NEBL: variants seen among roughly 807,000 people sequenced by gnomAD.
The protein encoded by NEBL is nebulette.
In NEBL, 122 loss-of-function variants were observed where a neutral mutation model predicts 140.2. That is an observed-to-expected ratio of 0.87 (90% CI 0.75 to 1.01). NEBL has a LOEUF of 1.01. NEBL is among the 50% of genes least tolerant of loss of function. The pLI, the probability that NEBL is intolerant of heterozygous loss-of-function variation, is 0.00. For synonymous variants in NEBL, 436 were observed against 398.9 expected (o/e 1.09, Z -1.11); for missense variants, 1,365 against 1,231.3 (o/e 1.11, Z -1.62).
At chr10:21,220,530 G>C (rs976893962) in intron 3 of NEBL, among the ~76,000 whole-genome samples, 1 of 152,144 alleles carries the variant, frequency 6.6e-6, no homozygotes, top group African/African-American at 2.4e-5. Flanking sequence ...TGTAAGATCA[G>C]ACACTATAAT....
intron 8 of NEBL, among the ~76,000 whole-genome samples, chr10:20,858,982 T>G (rs1415876797): frequency 6.6e-6 from 1 of 152,152 alleles, no homozygotes; most frequent in Non-Finnish European, 1.5e-5. Context: ...CCAAGCAATC[T>G]GACTCCAAAC....
intron 3 of NEBL, among the ~76,000 whole-genome samples, chr10:21,234,254 G>T (rs1842317207): frequency 6.6e-6 from 1 of 152,138 alleles, no homozygotes; most frequent in South Asian, 2.1e-4. Flanking sequence ...AATCCCCGGT[G>T]TTGGAGGTGG....
intron 16 of NEBL, among the ~76,000 whole-genome samples, chr10:20,829,272 T>C (rs1221654149): frequency 6.6e-6 from 1 of 152,078 alleles, no homozygotes; most frequent in African/African-American, 2.4e-5. Flanking sequence ...AATGATGAGT[T>C]CATGTCCTTT....
intron 3 of NEBL, among the ~76,000 whole-genome samples, chr10:21,208,130 G>A (rs1044898701): frequency 6.6e-6 from 1 of 152,138 alleles, no homozygotes; most frequent in Non-Finnish European, 1.5e-5. Flanking sequence ...GGGTTTTTAA[G>A]AAGATTGTGG....
intron 3 of NEBL, among the ~76,000 whole-genome samples, chr10:21,230,219 G>T (rs1309993449): frequency 6.6e-6 from 1 of 152,152 alleles, no homozygotes; most frequent in African/African-American, 2.4e-5. Flanking sequence ...ATGGGCTTGG[G>T]AGTGAGTCAA....
At chr10:21,279,673 A>G (rs1465739379) in intron 1 of NEBL, among the ~76,000 whole-genome samples, 2 of 151,592 alleles carry the variant, frequency 1.3e-5, no homozygotes, top group Non-Finnish European at 2.9e-5. Flanking sequence ...CATGAGAATC[A>G]CTTGAACCTG....
chr10:20,931,663 G>A (rs1023204636), intron 4 of NEBL, among the ~76,000 whole-genome samples: 15 of 152,060 alleles, frequency 9.9e-5, no homozygotes, highest in Admixed American at 2.6e-4. Flanking sequence ...AAGAGTCTCC[G>A]GCCCATGCAG....
intron 1 of NEBL, among the ~76,000 whole-genome samples, chr10:21,288,820 G>GTGTATATATATATA (rs1477748950): frequency 4.0e-3 from 139 of 34,986 alleles, no homozygotes; most frequent in African/African-American, 0.013. Context: ...GTGTGTGTGT[G>GTGTATATATATATA]TATATATATA....
intron 3 of NEBL, among the ~76,000 whole-genome samples, chr10:20,889,059 G>T (rs948985950): frequency 6.6e-6 from 1 of 152,230 alleles, no homozygotes; most frequent in Non-Finnish European, 1.5e-5. Flanking sequence ...AAATTGTTTC[G>T]CATTAGCAGA....
intron 4 of NEBL, among the ~76,000 whole-genome samples, chr10:20,923,666 C>CAAAAAAAAAAAAAAAAAAAAAAAAAAAAA (rs71390799): frequency 2.1e-4 from 6 of 28,370 alleles, no homozygotes; most frequent in African/African-American, 7.5e-4. Context: ...GACTCCGTCT[C>CAAAAAAAAAAAAAAAAAAAAAAAAAAAAA]AAAAAAAAAA....
At chr10:20,833,034 A>T (rs1266481940) in intron 14 of NEBL, among the ~76,000 whole-genome samples, 1 of 152,234 alleles carries the variant, frequency 6.6e-6, no homozygotes, top group Non-Finnish European at 1.5e-5. Context: ...CCAAGGTCTG[A>T]TGGTAAAAGG....
chr10:21,170,414 A>G (rs578136893), intron 2 of NEBL: 2 of 152,364 alleles, frequency 1.3e-5, no homozygotes, highest in East Asian at 3.9e-4. Context: ...TACAGGAAGA[A>G]TGGTTCACTT....
At chr10:20,965,156 G>C (rs1836244167) in intron 3 of NEBL, among the ~76,000 whole-genome samples, 1 of 152,214 alleles carries the variant, frequency 6.6e-6, no homozygotes, top group African/African-American at 2.4e-5. Flanking sequence ...TATGGGCCAA[G>C]AGCTGTTCCA....
intron 2 of NEBL, among the ~76,000 whole-genome samples, chr10:21,116,395 A>C (rs1008456771): frequency 1.3e-5 from 2 of 151,994 alleles, no homozygotes; most frequent in Non-Finnish European, 2.9e-5. Context: ...TCTTCTTATA[A>C]AGTTATTAAT....
Position 20,832,407 on chromosome 10 carries a change from A to G in NEBL, c.1450-824T>C, listed in dbSNP as rs76074823. Among the ~76,000 whole-genome samples, 358 of 152,198 alleles carry G rather than the reference A, an allele frequency of 2.4e-3. 12 individuals carry two copies. In the East Asian group the frequency reaches 0.052, roughly 22 times the overall value. On this transcript the variant is annotated intron_variant, in intron 14 of 27. Transcript: ENST00000377122. ...ATTTCTCTACTATTCAATCATAAGA[A>G]CAACAAATAAGTTATCTCTGTTTTT...
intron 3 of NEBL, among the ~76,000 whole-genome samples, chr10:20,997,940 C>T (rs564982498): frequency 6.1e-4 from 93 of 152,004 alleles, no homozygotes; most frequent in African/African-American, 2.1e-3. Context: ...AAGTTTACTA[C>T]ATAACTTAAT....
chr10:20,855,800 T>C (rs1400013337), intron 9 of NEBL, among the ~76,000 whole-genome samples: 2 of 152,180 alleles, frequency 1.3e-5, no homozygotes, highest in Admixed American at 1.3e-4. Flanking sequence ...TGGGTTAAAA[T>C]AAAAGTAACT....
At chr10:21,227,773 TGCTTCTTCTTTC>T (rs1842188576) in intron 3 of NEBL, among the ~76,000 whole-genome samples, 1 of 141,486 alleles carries the variant, frequency 7.1e-6, no homozygotes, top group African/African-American at 2.6e-5. Context: ...TTCTTCTTTC[TGCTTCTTCTTTC>T]TCTTCTTTCT....
intron 2 of NEBL, among the ~76,000 whole-genome samples, chr10:21,085,531 A>C (rs1836584346): frequency 6.6e-6 from 1 of 152,206 alleles, no homozygotes; most frequent in Non-Finnish European, 1.5e-5. Flanking sequence ...GCTACTTGGG[A>C]GACTGAGGCT....
Sources: gnomAD v4.1 joint callset for allele counts (sites outside exome capture counted in the v4.1 genomes callset) on GRCh38, gnomAD v4.1.1 for gene constraint, MANE v1.5 for transcripts, NCBI Gene and HGNC (gene_info 2026-07-23, HGNC 2026-07-21) for gene names.